The following NUDC variants were observed in gnomAD, a reference collection of about 807,000 sequenced individuals.
NUDC encodes the protein nuclear migration protein nudC.
In NUDC, 14 loss-of-function variants were observed where a neutral mutation model predicts 45.0. The observed-to-expected ratio is 0.31, with a 90% CI of 0.21 to 0.49. The LOEUF is 0.49. NUDC is among the 20% of genes least tolerant of loss of function. The probability of loss-of-function intolerance (pLI) is 0.99; values close to 1 mark genes in which losing one functional copy is unlikely to be tolerated. For missense variants in NUDC, 323 were observed against 426.2 expected, an observed-to-expected ratio of 0.76 and a Z score of 2.13; for synonymous variants, 153 against 156.7, an observed-to-expected ratio of 0.98 and a Z score of 0.17.
intron 6 of NUDC, among the ~76,000 whole-genome samples, chr1:26,944,095 C>T (rs956023175): frequency 2.0e-4 from 31 of 152,004 alleles, no homozygotes; most frequent in African/African-American, 6.3e-4. Context: ...AGGGTTTCAC[C>T]GTGTTAGCCA....
At chr1:26,935,282 C>T (rs1247451530) in intron 2 of NUDC, among the ~76,000 whole-genome samples, 1 of 152,170 alleles carries the variant, frequency 6.6e-6, no homozygotes, top group Admixed American at 6.5e-5. Flanking sequence ...CGTGCCCAGC[C>T]GTAAACCTCT....
chr1:26,927,302 T>TGTGTGTGTGTCA (rs1553163148), intron 2 of NUDC, among the ~76,000 whole-genome samples: 2 of 151,564 alleles, frequency 1.3e-5, no homozygotes, highest in East Asian at 1.9e-4. Context: ...TGTGTGTGTG[T>TGTGTGTGTGTCA]GTCAGGGTCT....
chr1:26,913,834 C>T (rs766561375), intron 3 of NUDC: 76 of 1,507,700 alleles, frequency 5.0e-5, no homozygotes, highest in Non-Finnish European at 5.9e-5. Flanking sequence ...GCAGCGGCTA[C>T]GGGGTCGGGG....
chr1:26,926,547 A>C (rs766274720), intron 2 of NUDC, among the ~76,000 whole-genome samples: 19 of 152,244 alleles, frequency 1.2e-4, no homozygotes, highest in Non-Finnish European at 1.6e-4. Flanking sequence ...CTTACAAAAA[A>C]ATACAAAAGC....
At chr1:26,914,401 G>T (rs2082049893) in intron 3 of NUDC, among the ~76,000 whole-genome samples, 2 of 152,186 alleles carry the variant, frequency 1.3e-5, no homozygotes, top group Non-Finnish European at 2.9e-5. Context: ...TGAATGCAAG[G>T]CCCAACCTGG....
chr1:26,920,279 CAGG>C (rs1370860015), upstream of NUDC, among the ~76,000 whole-genome samples: 1 of 152,022 alleles, frequency 6.6e-6, no homozygotes, highest in Non-Finnish European at 1.5e-5. Flanking sequence ...CACTTGAGGT[CAGG>C]AGTTTGAAAC....
upstream of NUDC, among the ~76,000 whole-genome samples, chr1:26,919,806 A>G (rs2082079918): frequency 6.6e-6 from 1 of 152,234 alleles, no homozygotes. Flanking sequence ...TAGAGTGGGA[A>G]GAAATAGTAG....
intron 2 of NUDC, among the ~76,000 whole-genome samples, chr1:26,937,226 G>A (rs2082242290): frequency 6.6e-6 from 1 of 152,180 alleles, no homozygotes; most frequent in South Asian, 2.1e-4. Context: ...CCGACACCTT[G>A]ATGTGTTCAC....
At chr1:26,923,469 C>T (rs1356056233) in intron 1 of NUDC, among the ~76,000 whole-genome samples, 1 of 152,142 alleles carries the variant, frequency 6.6e-6, no homozygotes, top group Non-Finnish European at 1.5e-5. Context: ...GACCCGGTAA[C>T]TTAGCCAGTG....
intron 1 of NUDC, chr1:26,900,476 C>T (rs1003280455): frequency 7.1e-6 from 11 of 1,551,182 alleles, no homozygotes; most frequent in East Asian, 2.3e-5. Context: ...AGAACCAAGT[C>T]TCGCGAGAAC....
At chr1:26,934,167 G>A (rs543676295) in intron 2 of NUDC, among the ~76,000 whole-genome samples, 2 of 152,162 alleles carry the variant, frequency 1.3e-5, no homozygotes, top group East Asian at 1.9e-4. Flanking sequence ...AGAAAAAAAA[G>A]AGGTTTAATT....
At chr1:26,920,480 A>G (rs1359971356), upstream of NUDC, among the ~76,000 whole-genome samples, 1 of 145,098 alleles carries the variant, frequency 6.9e-6, no homozygotes, top group Non-Finnish European at 1.5e-5. Flanking sequence ...GACTTGGTCT[A>G]AAAAAAAAAA....
Position 26,901,562 on chromosome 1 carries a change from G to A in NUDC, c.-100-720G>A, listed in dbSNP as rs180981026. ...TGGGACTACAGGTGCGTGCCACCAC[G>A]CCCGGCTAATTTTTGTATTTTTAGT... On this transcript the variant is annotated intron_variant, in intron 1 of 6. Transcript: ENST00000435827. 1.7e-3 allele frequency among the ~76,000 whole-genome samples: 258 copies of A among 151,780 alleles called. 3 individuals are homozygous for A. Among genetic ancestry groups the A allele is most frequent in the African/African-American group, 5.8e-3 (242 of 41,390 alleles).
At chr1:26,906,053 G>A (rs185598678) in intron 2 of NUDC, among the ~76,000 whole-genome samples, 8 of 152,114 alleles carry the variant, frequency 5.3e-5, no homozygotes, top group Admixed American at 3.3e-4. Flanking sequence ...AGGGCGAGGC[G>A]GGCGGATCAC....
chr1:26,921,066 T>C (rs1570720553), upstream of NUDC, among the ~76,000 whole-genome samples: 1 of 152,146 alleles, frequency 6.6e-6, no homozygotes, highest in Non-Finnish European at 1.5e-5. Flanking sequence ...ACTAAGATGA[T>C]GAGATTCATT....
intron 2 of NUDC, among the ~76,000 whole-genome samples, chr1:26,930,783 G>A (rs866573081): frequency 1.3e-5 from 2 of 151,584 alleles, no homozygotes; most frequent in Admixed American, 6.6e-5. Flanking sequence ...TTGGAAGGCC[G>A]AGGTGGGCAG....
chr1:26,925,036 A>G (rs2082119869), intron 2 of NUDC, among the ~76,000 whole-genome samples: 1 of 149,462 alleles, frequency 6.7e-6, no homozygotes, highest in Non-Finnish European at 1.5e-5. Flanking sequence ...AGGCGCCACC[A>G]TGCCTGGCTA....
rs376478442 is a variant in NUDC at position 26,945,488 on chromosome 1, G to T, written c.825+15G>T. The stretch of plus-strand genomic sequence containing the variant: ...AGAATTCCAAGGTGAGCCCTGGCTG[G>T]TTGGGGGAGCTTCAGCAGGAAGGTG... On this transcript the variant is annotated intron_variant, in intron 7 of 8. Coordinates refer to ENST00000321265, the MANE Select transcript of NUDC (RefSeq NM_006600.4). 38 of 1,613,794 alleles carry T rather than the reference G, an allele frequency of 2.4e-5. No homozygotes were observed. The Middle Eastern group carries it at 9.9e-4, about 42-fold the overall frequency.
intron 2 of NUDC, among the ~76,000 whole-genome samples, chr1:26,931,564 A>T (rs1432782612): frequency 6.7e-6 from 1 of 149,432 alleles, no homozygotes; most frequent in African/African-American, 2.5e-5. Flanking sequence ...GCGGATCATG[A>T]GGTCAGGAGA....
Sources: allele counts gnomAD v4.1 joint callset (sites outside exome capture counted in the v4.1 genomes callset), GRCh38; gene constraint gnomAD v4.1.1; transcripts MANE v1.5; gene names NCBI Gene and HGNC (gene_info 2026-07-23, HGNC 2026-07-21).